The following SLC8A3 variants were observed in gnomAD, a reference collection of about 807,000 sequenced individuals.
SLC8A3 encodes sodium/calcium exchanger 3.
In SLC8A3, 37 loss-of-function variants were observed where a neutral mutation model predicts 65.4. That is an observed-to-expected ratio of 0.57 (90% confidence interval 0.44 to 0.74). The LOEUF is 0.74. Among genes scored for constraint, SLC8A3 ranks in the 30% least tolerant of loss-of-function variants. The pLI is 0.00. For synonymous variants in SLC8A3, 461 were observed against 444.5 expected (o/e 1.04, Z -0.47); for missense variants, 1,112 against 1,172.1 (o/e 0.95, Z 0.75).
chr14:70,079,330 C>CAAAAAAAAAA (rs11464342), intron 2 of SLC8A3, among the ~76,000 whole-genome samples: 1,134 of 78,006 alleles, frequency 0.015, no homozygotes, highest in Middle Eastern at 0.023. Flanking sequence ...CTAAAAAATA[C>CAAAAAAAAAA]AAAAAAAAAA....
chr14:70,084,428 T>C (rs1891277519), intron 2 of SLC8A3, among the ~76,000 whole-genome samples: 5 of 152,212 alleles, frequency 3.3e-5, no homozygotes. Flanking sequence ...TTATCTTATC[T>C]TTTCACCCTG....
intron 3 of SLC8A3, among the ~76,000 whole-genome samples, chr14:70,056,779 G>A (rs1248946686): frequency 6.6e-6 from 1 of 152,178 alleles, no homozygotes; most frequent in East Asian, 1.9e-4. Flanking sequence ...ACAAATGCAA[G>A]GTCCCTATGT....
chr14:70,160,984 C>T (rs373502686), intron 2 of SLC8A3, among the ~76,000 whole-genome samples: 1 of 151,078 alleles, frequency 6.6e-6, no homozygotes, highest in South Asian at 2.1e-4. Flanking sequence ...GTGGCTCACG[C>T]CTGTAATCCC....
intron 2 of SLC8A3, among the ~76,000 whole-genome samples, chr14:70,069,307 C>T (rs148071315): frequency 7.9e-4 from 120 of 152,316 alleles, no homozygotes; most frequent in African/African-American, 2.8e-3. Context: ...CCTAACCCTT[C>T]GGCCCTCCCA....
At chr14:70,174,260 A>T (rs1210038864) in intron 1 of SLC8A3, among the ~76,000 whole-genome samples, 1 of 152,358 alleles carries the variant, frequency 6.6e-6, no homozygotes, top group East Asian at 1.9e-4. Context: ...ACATACAGGC[A>T]GAATGGATCC....
At chr14:70,112,395 TA>T (rs1480125130) in intron 2 of SLC8A3, among the ~76,000 whole-genome samples, 1 of 152,064 alleles carries the variant, frequency 6.6e-6, no homozygotes, top group Non-Finnish European at 1.5e-5. Flanking sequence ...TGAGGGGACG[TA>T]CTAGGCAGTC....
chr14:70,073,184 G>C (rs1890168254), intron 2 of SLC8A3, among the ~76,000 whole-genome samples: 1 of 152,090 alleles, frequency 6.6e-6, no homozygotes, highest in Non-Finnish European at 1.5e-5. Context: ...TGTGAGTGGG[G>C]GTATGACGGA....
intron 2 of SLC8A3, among the ~76,000 whole-genome samples, chr14:70,114,251 T>A (rs182783108): frequency 1.3e-5 from 2 of 152,260 alleles, no homozygotes. Context: ...CTGAGGATCA[T>A]CTAGGATTTT....
rs1309834386 is a variant in SLC8A3 at position 70,079,304 on chromosome 14, T to C, written c.1785-18365A>G. Reference sequence around the variant, plus strand: ...TTCGAGACCAGCCTGGCCAACATGGTGAAACCCTGTCTCTACTAAAAAATA... The same window carrying C: ...TTCGAGACCAGCCTGGCCAACATGGCGAAACCCTGTCTCTACTAAAAAATA... On this transcript the variant is annotated intron_variant, in intron 2 of 6. Transcript: ENST00000356921. Among the ~76,000 whole-genome samples the C allele has an allele frequency of 3.9e-5, 5 of 127,236 alleles. No homozygotes were observed. The East Asian group carries it at 1.1e-3, about 28-fold the overall frequency. The allele number at this position is 127,236 out of a possible 152,430, so 83.5% of individuals were successfully genotyped here.
At chr14:70,145,717 A>C (rs558964657) in intron 2 of SLC8A3, among the ~76,000 whole-genome samples, 18 of 152,348 alleles carry the variant, frequency 1.2e-4, no homozygotes, top group Admixed American at 2.6e-4. Context: ...AAAGAAACGT[A>C]TAAACTCATC....
intron 2 of SLC8A3, among the ~76,000 whole-genome samples, chr14:70,166,038 A>G (rs1481459525): frequency 1.3e-5 from 2 of 152,220 alleles, no homozygotes; most frequent in Non-Finnish European, 2.9e-5. Context: ...ACACCATTAA[A>G]TAGTCTATGG....
At chr14:70,142,335 A>C (rs1895633578) in intron 2 of SLC8A3, among the ~76,000 whole-genome samples, 1 of 152,254 alleles carries the variant, frequency 6.6e-6, no homozygotes, top group Admixed American at 6.5e-5. Context: ...GATTCAGGTG[A>C]AAGCAGGATG....
rs796471745 is a variant in SLC8A3, at chr14:70,099,106, C to T, written c.1785-38167G>A. ...TGTAATCCTGCTGCCTCTTCCAGGC[C>T]CTTACCATTTTCTTGCTATTTTCCA... On this transcript the variant is annotated intron_variant, in intron 2 of 6. Coordinates refer to ENST00000356921, the MANE Select transcript of SLC8A3 (RefSeq NM_182932.3). Among the ~76,000 whole-genome samples, 5 of 152,224 alleles carry T rather than the reference C, an allele frequency of 3.3e-5. 1 individual carries two copies. Among genetic ancestry groups the T allele is most frequent in the African/African-American group, 9.6e-5 (4 of 41,532 alleles).
intron 2 of SLC8A3, among the ~76,000 whole-genome samples, chr14:70,093,802 G>A (rs868611799): frequency 1.3e-5 from 2 of 152,172 alleles, no homozygotes; most frequent in Non-Finnish European, 2.9e-5. Flanking sequence ...TCTCTGCTCA[G>A]TATTTGGTCA....
chr14:70,146,508 C>G (rs754400160), intron 2 of SLC8A3, among the ~76,000 whole-genome samples: 1 of 152,088 alleles, frequency 6.6e-6, no homozygotes, highest in Non-Finnish European at 1.5e-5. Flanking sequence ...GCTCCTGACC[C>G]TTACTTCAGC....
At chr14:70,084,467 A>AT (rs1463911224) in intron 2 of SLC8A3, among the ~76,000 whole-genome samples, 6 of 152,064 alleles carry the variant, frequency 3.9e-5, no homozygotes, top group Admixed American at 6.5e-5. Context: ...AGCTGAACAC[A>AT]TTTTTTTCTT....
chr14:70,057,323 TAGATAGA>T (rs1888257779), intron 3 of SLC8A3, among the ~76,000 whole-genome samples: 1 of 151,910 alleles, frequency 6.6e-6, no homozygotes, highest in African/African-American at 2.4e-5. Context: ...GATAGATAGA[TAGATAGA>T]TAGATAGGCA....
chr14:70,169,420 A>T (rs1897356171), intron 1 of SLC8A3, among the ~76,000 whole-genome samples: 1 of 152,168 alleles, frequency 6.6e-6, no homozygotes. Context: ...TCAAATTTCA[A>T]ACCCAAACAT....
chr14:70,107,190 C>T (rs1357451819), intron 2 of SLC8A3, among the ~76,000 whole-genome samples: 3 of 152,034 alleles, frequency 2.0e-5, no homozygotes, highest in Non-Finnish European at 4.4e-5. Context: ...CAAATAACCA[C>T]ACCCTGGTGA....
Sources: gnomAD v4.1 joint callset for allele counts (sites outside exome capture counted in the v4.1 genomes callset) on GRCh38, gnomAD v4.1.1 for gene constraint, MANE v1.5 for transcripts, NCBI Gene and HGNC (gene_info 2026-07-23, HGNC 2026-07-21) for gene names.